The following NCOA6 variants were observed in gnomAD, a reference collection of about 807,000 sequenced individuals.
NCOA6 encodes nuclear receptor coactivator 6, also known as NRC RAP250.
Under a neutral mutation model 171.4 loss-of-function variants are expected in NCOA6, and 49 were observed. The ratio of observed to expected loss-of-function variants is 0.29; its 90% CI spans 0.23 to 0.36. The LOEUF (loss-of-function observed/expected upper bound fraction) is 0.36. Among genes scored for constraint, NCOA6 ranks in the 10% least tolerant of loss-of-function variants. NCOA6 has a pLI of 1.00. For missense variants in NCOA6, 2,248 were observed against 2,554.5 expected, an observed-to-expected ratio of 0.88 and a Z score of 2.59; for synonymous variants, 910 against 927.5, an observed-to-expected ratio of 0.98 and a Z score of 0.34.
At chr20:34,751,376 CAAAA>C (rs35848122) in intron 8 of NCOA6, among the ~76,000 whole-genome samples, 36,378 of 68,260 alleles carry the variant, frequency 0.53, 7,961 homozygotes, top group Middle Eastern at 0.63. Context: ...GACTCCGTCT[CAAAA>C]AAAAAAAAAA....
Position 34,776,691 on chromosome 20 carries a change from G to GA in NCOA6, c.236-244dup, listed in dbSNP as rs780577665. ...TTATCTTTTTCTTTTCTAAAACTAT[G>GA]AAAAAACTACTTCATATGATTTTTG... On this transcript the variant is annotated intron_variant, in intron 3 of 14. Transcript: ENST00000359003. 1.5e-5 allele frequency: 9 copies of GA among 614,478 alleles called. No individual in the cohort carries two copies. The East Asian group carries it at 2.0e-4, about 14-fold the overall frequency. 38.1% of individuals were successfully genotyped at this position (614,478 alleles called of 1,614,324 possible). A position where few individuals can be genotyped will look rare whatever the true frequency, so the allele number is the denominator to read the frequency against.
intron 2 of NCOA6, among the ~76,000 whole-genome samples, chr20:34,790,467 G>A (rs1415168678): frequency 2.0e-5 from 3 of 151,982 alleles, no homozygotes; most frequent in Non-Finnish European, 4.4e-5. Context: ...CCATTCTCCT[G>A]CCTCAACCTC....
chr20:34,821,816 T>C (rs2079018565), intron 1 of NCOA6, among the ~76,000 whole-genome samples: 1 of 152,196 alleles, frequency 6.6e-6, no homozygotes, highest in African/African-American at 2.4e-5. Flanking sequence ...CTCGATCTCC[T>C]GACCTCGTGA....
chr20:34,739,509 C>CA (rs1352732022), intron 11 of NCOA6, among the ~76,000 whole-genome samples: 1 of 151,952 alleles, frequency 6.6e-6, no homozygotes, highest in Non-Finnish European at 1.5e-5. Context: ...GTAGCCCAGA[C>CA]AAAAAAAGAA....
intron 5 of NCOA6, among the ~76,000 whole-genome samples, chr20:34,765,761 TA>T (rs2076964722): frequency 6.6e-6 from 1 of 152,092 alleles, no homozygotes; most frequent in African/African-American, 2.4e-5. Context: ...AGCAAAAAAT[TA>T]TTGGCCCCAA....
At chr20:34,739,913 G>T (rs1176572935) in intron 11 of NCOA6, among the ~76,000 whole-genome samples, 2 of 152,110 alleles carry the variant, frequency 1.3e-5, no homozygotes, top group Non-Finnish European at 2.9e-5. Flanking sequence ...GCCCAGGCTG[G>T]AGTGCAGTGG....
chr20:34,820,563 G>C (rs919922390), intron 1 of NCOA6: 3 of 152,048 alleles, frequency 2.0e-5, no homozygotes, highest in Admixed American at 6.6e-5. Context: ...TTGAGGTCAG[G>C]AGTTTGAGAC....
intron 7 of NCOA6, among the ~76,000 whole-genome samples, chr20:34,755,961 T>C (rs1429536427): frequency 1.3e-5 from 2 of 152,196 alleles, no homozygotes; most frequent in Non-Finnish European, 2.9e-5. Flanking sequence ...GGTCTCGAAC[T>C]CCTGACCTCA....
At chr20:34,822,235 G>A (rs538768907) in intron 1 of NCOA6, among the ~76,000 whole-genome samples, 30 of 152,076 alleles carry the variant, frequency 2.0e-4, no homozygotes, top group African/African-American at 2.2e-4. Context: ...TCCCCTTCTC[G>A]AAGATCTTGA....
chr20:34,813,692 T>C (rs367803805), intron 1 of NCOA6, among the ~76,000 whole-genome samples: 3 of 152,250 alleles, frequency 2.0e-5, no homozygotes, highest in African/African-American at 7.2e-5. Flanking sequence ...ATTAAACATA[T>C]GACAACATGT....
In NCOA6 at chr20:34,750,271, A is replaced by C. The variant is rs2076430728; in HGVS notation, c.1924T>G (p.Leu642Val). Residue 642 changes from leucine (L) to valine (V), a missense_variant, in exon 9 of 15, where the codon TTG (leucine) becomes GTG (valine). Leu to Val is a conservative substitution (Grantham distance 32, BLOSUM62 1). Coordinates refer to ENST00000359003, the MANE Select transcript of NCOA6 (RefSeq NM_014071.5). The stretch of plus-strand genomic sequence containing the variant: ...AGGATCATAGGGTTCTGAGGGTTCA[A>C]GGTTCCTTGTTGCTGGACCATCTGG... The part of the protein sequence containing the change: ...QGQMVQQQGT[L>V]NPQNPMILSR... The C allele has an allele frequency of 6.2e-7, 1 of 1,611,738 alleles. No homozygotes were observed. Among genetic ancestry groups the C allele is most frequent in the East Asian group, 2.2e-5 (1 of 44,796 alleles).
At chr20:34,788,885 G>A (rs554466211) in intron 2 of NCOA6, among the ~76,000 whole-genome samples, 7 of 152,214 alleles carry the variant, frequency 4.6e-5, no homozygotes, top group Admixed American at 1.3e-4. Context: ...CCGAGGTTGC[G>A]GTGAACATAG....
chr20:34,776,166 T>C (rs1379447405), intron 4 of NCOA6, 127 bp downstream of exon 4: 28 of 1,232,074 alleles, frequency 2.3e-5, no homozygotes. Context: ...AAAGTACAAG[T>C]TACATGAGTT....
At chr20:34,823,970 C>A (rs1228890100) in intron 1 of NCOA6, among the ~76,000 whole-genome samples, 2 of 152,184 alleles carry the variant, frequency 1.3e-5, no homozygotes, top group Non-Finnish European at 1.5e-5. Flanking sequence ...AGGCGTGAGC[C>A]ACTGTGGCTG....
intron 5 of NCOA6, among the ~76,000 whole-genome samples, chr20:34,760,923 A>T (rs918555665): frequency 2.6e-5 from 4 of 151,926 alleles, no homozygotes; most frequent in Non-Finnish European, 4.4e-5. Flanking sequence ...CTGTCCTTTC[A>T]AAGAAACATC....
chr20:34,816,851 T>C (rs963243667), intron 1 of NCOA6, among the ~76,000 whole-genome samples: 8 of 151,006 alleles, frequency 5.3e-5, no homozygotes, highest in Admixed American at 6.6e-5. Context: ...CTGGGTGCAG[T>C]GGCTCACACC....
intron 1 of NCOA6, chr20:34,821,389 T>C (rs2146781088): frequency 6.6e-6 from 1 of 152,316 alleles, no homozygotes; most frequent in African/African-American, 2.4e-5. Context: ...ACATAGATAG[T>C]TGTGCTTTTT....
intron 9 of NCOA6, 81 bp from the exon 10 acceptor site, chr20:34,747,009 C>T: frequency 1.5e-6 from 2 of 1,305,266 alleles, no homozygotes; most frequent in Non-Finnish European, 2.0e-6. Flanking sequence ...TTAACCCTTC[C>T]CCTATTTCTG....
chr20:34,739,724 T>C (rs1160882586), intron 11 of NCOA6, among the ~76,000 whole-genome samples: 1 of 152,144 alleles, frequency 6.6e-6, no homozygotes, highest in Non-Finnish European at 1.5e-5. Context: ...ACCCATACAA[T>C]GGGGTTAAGA....
Sources: gnomAD v4.1 joint callset for allele counts (sites outside exome capture counted in the v4.1 genomes callset) on GRCh38, gnomAD v4.1.1 for gene constraint, MANE v1.5 for transcripts, NCBI Gene and HGNC (gene_info 2026-07-23, HGNC 2026-07-21) for gene names.